The following SETD9 variants were observed in gnomAD, a reference collection of about 807,000 sequenced individuals.
SETD9 encodes SET domain-containing protein 9.
Under a neutral mutation model 36.4 loss-of-function variants are expected in SETD9, and 37 were observed. That is an observed-to-expected ratio of 1.02 (90% CI 0.78 to 1.34). The LOEUF (loss-of-function observed/expected upper bound fraction) is 1.34, where lower values mean the gene tolerates loss of function less well. Ranked by LOEUF, SETD9 falls within the 40% of genes most tolerant of loss-of-function variation. The pLI is 0.00. For missense variants in SETD9, 323 were observed against 353.2 expected, an observed-to-expected ratio of 0.91 and a Z score of 0.69; for synonymous variants, 128 against 132.9, an observed-to-expected ratio of 0.96 and a Z score of 0.26.
At chr5:56,909,976 C>T (rs1749018039) in intron 1 of SETD9, 21 of 1,283,950 alleles carry the variant, frequency 1.6e-5, no homozygotes, top group Non-Finnish European at 2.2e-5. Context: ...AGTCCGAGGC[C>T]CGCTGGAAGC....
chr5:56,912,871 C>T, intron 2 of SETD9, 140 bp from the exon 3 acceptor site: 1 of 775,264 alleles, frequency 1.3e-6, no homozygotes, highest in African/African-American at 1.7e-5. Context: ...TTCTGTGCTC[C>T]ATCTGCTATT....
In SETD9 at chr5:56,923,880, A is replaced by C. The variant is rs199654246; in HGVS notation, c.813-1453A>C. On this transcript the variant is annotated intron_variant, in intron 5 of 5. Transcript: ENST00000628593. ...TTTTATGACTATATATTACAGTTAA[A>C]AGTAAGTCTTTGAAGGCAAGGCCAC... The C allele has an allele frequency of 4.4e-4, 711 of 1,613,772 alleles. 1 individual carries two copies. The highest frequency in any genetic ancestry group is 5.7e-4 in the Non-Finnish European group (677 of 1,179,954).
chr5:56,918,865 C>CA (rs1419096573), downstream of SETD9, among the ~76,000 whole-genome samples: 1 of 152,026 alleles, frequency 6.6e-6, no homozygotes, highest in Non-Finnish European at 1.5e-5. Flanking sequence ...AATATGGGGA[C>CA]AAACTTGTGA....
chr5:56,913,013 A>G lies in SETD9; in HGVS notation c.469A>G (p.Thr157Ala). The G allele has an allele frequency of 6.2e-7, 1 of 1,613,776 alleles. No homozygotes were observed. The highest frequency in any genetic ancestry group is 2.2e-5 in the East Asian group (1 of 44,848). ...TTCTTTGTCTTGTTGTGTAATAGGT[A>G]CAGTATATCAGAAGTATGAGCCGAT... ...KGAVVSMYPGTVYQKYEPIFF... is the reference protein window; with the variant it reads ...KGAVVSMYPGAVYQKYEPIFF... The change falls in exon 3 of 6, where the codon ACA (threonine) becomes GCA (alanine). Residue 157 changes from threonine to alanine, a missense_variant and splice_region_variant. Thr to Ala is a moderately conservative substitution (Grantham distance 58, BLOSUM62 0). Coordinates refer to ENST00000285947, the MANE Select transcript of SETD9 (RefSeq NM_153706.4).
At chr5:56,925,651 A>C (rs914898939), downstream of SETD9, 2 of 172,644 alleles carry the variant, frequency 1.2e-5, no homozygotes, top group South Asian at 2.4e-4. Flanking sequence ...ATAAGAAGAC[A>C]CTTCATTGTT....
chr5:56,910,496 T>C, intron 1 of SETD9: 1 of 1,021,770 alleles, frequency 9.8e-7, no homozygotes, highest in Non-Finnish European at 1.3e-6. Flanking sequence ...GTCCGACAAA[T>C]AGGGAAACAA....
chr5:56,910,661 T>C (rs1272174516), intron 1 of SETD9: 1 of 259,030 alleles, frequency 3.9e-6, no homozygotes, highest in Non-Finnish European at 7.7e-6. Flanking sequence ...GTGCAGTCAT[T>C]GAAGACGTTA....
chr5:56,915,036 C>G, intron 5 of SETD9, 70 bp downstream of exon 5: 1 of 1,189,652 alleles, frequency 8.4e-7, no homozygotes, highest in African/African-American at 1.6e-5. Flanking sequence ...GAAGAAAAAG[C>G]TATGTAGAAT....
downstream of SETD9, chr5:56,922,148 C>T (rs910378160): frequency 6.6e-6 from 1 of 152,636 alleles, no homozygotes; most frequent in Non-Finnish European, 1.5e-5. Context: ...CTTTGAACTG[C>T]AGTGCTACAA....
At chr5:56,918,457 G>A (rs181964801), downstream of SETD9, among the ~76,000 whole-genome samples, 4 of 152,206 alleles carry the variant, frequency 2.6e-5, no homozygotes, top group East Asian at 3.9e-4. Context: ...CTCAAAAAGC[G>A]TACCATAGAT....
chr5:56,916,299 G>A (rs1365586848), intron 5 of SETD9, among the ~76,000 whole-genome samples: 1 of 151,836 alleles, frequency 6.6e-6, no homozygotes, highest in African/African-American at 2.4e-5. Flanking sequence ...GGCTGAGGCA[G>A]GAGAATCGCT....
chr5:56,915,816 T>A (rs1325909700), intron 5 of SETD9, among the ~76,000 whole-genome samples: 2 of 151,990 alleles, frequency 1.3e-5, no homozygotes, highest in Admixed American at 1.3e-4. Flanking sequence ...ATACAAAAAT[T>A]AGCTGGGTGT....
At position 56,923,803 on chromosome 5, in the gene SETD9, T is replaced by C. The variant is rs767529159; in HGVS notation, c.813-1530T>C. 5.0e-6 allele frequency: 8 copies of C among 1,614,200 alleles called. No homozygotes were observed. The South Asian group carries it at 8.8e-5, about 18-fold the overall frequency. On this transcript the variant is annotated intron_variant, in intron 5 of 5. Coordinates refer to the SETD9 transcript ENST00000628593. Reference sequence around the variant, plus strand: ...CATTTACCGTCCCACCCAAAGCTTCTGTTTCATCTACTAAACGATCCATAT... The same window carrying C: ...CATTTACCGTCCCACCCAAAGCTTCCGTTTCATCTACTAAACGATCCATAT...
intron 1 of SETD9, 100 bp from the exon 2 acceptor site, chr5:56,911,069 A>G: frequency 7.4e-7 from 1 of 1,355,258 alleles, no homozygotes; most frequent in Non-Finnish European, 9.9e-7. Context: ...ACATGAGAAT[A>G]AGCTTATAGT....
chr5:56,925,819 ACT>A (rs1305066026), downstream of SETD9, among the ~76,000 whole-genome samples: 1 of 152,074 alleles, frequency 6.6e-6, no homozygotes, highest in Non-Finnish European at 1.5e-5. Flanking sequence ...AAATCAAAGT[ACT>A]GACAGTCCCC....
At chr5:56,918,024 C>G (rs2112040955), downstream of SETD9, among the ~76,000 whole-genome samples, 1 of 152,282 alleles carries the variant, frequency 6.6e-6, no homozygotes, top group East Asian at 1.9e-4. Context: ...CTTGTTTCCA[C>G]TCCTGTCCCC....
upstream of SETD9, chr5:56,909,571 T>C (rs1748979474): frequency 4.0e-6 from 5 of 1,248,690 alleles, no homozygotes; most frequent in Non-Finnish European, 5.4e-6. Context: ...CCCCCTCTCC[T>C]CCCGGGCCGG....
chr5:56,926,513 A>C (rs1398492728), downstream of SETD9, among the ~76,000 whole-genome samples: 1 of 152,110 alleles, frequency 6.6e-6, no homozygotes, highest in Non-Finnish European at 1.5e-5. Context: ...CTCATGAGGG[A>C]ATTACAAATT....
chr5:56,925,127 T>C (rs1490271403), intron 5 of SETD9, among the ~76,000 whole-genome samples: 2 of 152,184 alleles, frequency 1.3e-5, no homozygotes, highest in Non-Finnish European at 2.9e-5. Context: ...TTTTTTTTAC[T>C]TAAAAGGACA....
Sources: allele counts gnomAD v4.1 joint callset (sites outside exome capture counted in the v4.1 genomes callset), GRCh38; gene constraint gnomAD v4.1.1; transcripts MANE v1.5; gene names NCBI Gene and HGNC (gene_info 2026-07-23, HGNC 2026-07-21).